The following TTLL13 variants were observed in gnomAD, a reference collection of about 807,000 sequenced individuals.
The protein encoded by TTLL13 is tubulin polyglutamylase TTLL13.
At chr15:90,259,092 G>C in the TTLL13 span, 1 of 1,427,538 alleles carries the variant, frequency 7.0e-7, no homozygotes, top group Admixed American at 2.3e-5. Flanking sequence ...ACCAGGCTTG[G>C]TGGCTCATAT....
At chr15:90,255,946 G>C in the TTLL13 span, 1 of 1,610,790 alleles carries the variant, frequency 6.2e-7, no homozygotes, top group Non-Finnish European at 8.5e-7. Flanking sequence ...CGCTCTCAGA[G>C]CTCTGGTCTT....
chr15:90,264,038 C>A, the TTLL13 span: 1 of 1,535,110 alleles, frequency 6.5e-7, no homozygotes, highest in Non-Finnish European at 8.7e-7. Flanking sequence ...TTTTCCAGTG[C>A]CAGAATCAGG....
At chr15:90,251,279 A>C in the TTLL13 span, among the ~76,000 whole-genome samples, 1 of 65,340 alleles carries the variant, frequency 1.5e-5, no homozygotes, top group Non-Finnish European at 2.9e-5. Context: ...ACGCATGGCA[A>C]ATTTTTTTTT....
the TTLL13 span, chr15:90,259,151 C>A: frequency 9.9e-7 from 1 of 1,007,742 alleles, no homozygotes; most frequent in Non-Finnish European, 1.3e-6. Flanking sequence ...TTGCTTGAGC[C>A]CTAGAGTTCA....
the TTLL13 span, chr15:90,258,862 G>A: frequency 1.9e-6 from 3 of 1,614,178 alleles, no homozygotes; most frequent in Non-Finnish European, 1.7e-6. Context: ...GGAAGGTGAT[G>A]GAGGAGGATA....
chr15:90,258,397 G>A, the TTLL13 span: 3 of 816,532 alleles, frequency 3.7e-6, no homozygotes, highest in Non-Finnish European at 6.0e-6. Flanking sequence ...GGGGTGGGCA[G>A]GAATGAGCAG....
chr15:90,263,666 C>T, the TTLL13 span: 1 of 604,272 alleles, frequency 1.7e-6, no homozygotes, highest in Non-Finnish European at 3.0e-6. Flanking sequence ...AGATTTTTTT[C>T]AGTTACCTCC....
the TTLL13 span, chr15:90,251,620 C>T: frequency 6.2e-7 from 1 of 1,611,362 alleles, no homozygotes; most frequent in Non-Finnish European, 8.5e-7. Flanking sequence ...GTCGCTCACA[C>T]TGTGGTGCAT....
At chr15:90,263,817 G>C in the TTLL13 span, 1 of 718,274 alleles carries the variant, frequency 1.4e-6, no homozygotes, top group Non-Finnish European at 2.5e-6. Flanking sequence ...TCCTAAGAGG[G>C]GCTGCCACAG....
chr15:90,264,899 C>T, the TTLL13 span: 1 of 1,536,126 alleles, frequency 6.5e-7, no homozygotes, highest in Non-Finnish European at 8.7e-7. Flanking sequence ...CAAGGTTCCC[C>T]TCTGCCCTGC....
At chr15:90,264,165 A>G in the TTLL13 span, 1 of 688,418 alleles carries the variant, frequency 1.5e-6, no homozygotes, top group African/African-American at 1.8e-5. Context: ...CACCAGTGTA[A>G]GAATGGGGAA....
the TTLL13 span, chr15:90,262,775 AGAG>A: frequency 8.0e-6 from 10 of 1,247,758 alleles, no homozygotes; most frequent in Non-Finnish European, 9.7e-6. Flanking sequence ...CACAAGAGAG[AGAG>A]GAGTTCCTAA....
At chr15:90,256,602 T>C in the TTLL13 span, among the ~76,000 whole-genome samples, 105 of 29,120 alleles carry the variant, frequency 3.6e-3, 4 homozygotes, top group South Asian at 0.019. Context: ...TCTTTCTTTC[T>C]TTCTTTCCTT....
the TTLL13 span, among the ~76,000 whole-genome samples, chr15:90,252,180 C>T: frequency 6.6e-6 from 1 of 152,038 alleles, no homozygotes; most frequent in African/African-American, 2.4e-5. Flanking sequence ...GCTGGGATTA[C>T]AGGCATGTGC....
the TTLL13 span, chr15:90,259,080 G>T: frequency 6.9e-7 from 1 of 1,450,672 alleles, no homozygotes. Context: ...AAAAATCACA[G>T]GACCAGGCTT....
the TTLL13 span, chr15:90,259,063 G>A: frequency 1.1e-5 from 16 of 1,489,902 alleles, no homozygotes; most frequent in African/African-American, 2.8e-5. Flanking sequence ...GTTCATATTT[G>A]CATTAAAAAA....
the TTLL13 span, chr15:90,250,883 C>T: frequency 1.9e-6 from 3 of 1,613,458 alleles, no homozygotes; most frequent in East Asian, 4.5e-5. Context: ...AAGGCGGAAA[C>T]GCAGGTAACT....
the TTLL13 span, chr15:90,261,901 G>A: frequency 6.2e-4 from 600 of 966,000 alleles, 2 homozygotes; most frequent in Non-Finnish European, 8.5e-4. Context: ...GGGCCCAGGA[G>A]GTCAAGAAGC....
the TTLL13 span, chr15:90,258,692 C>T: frequency 4.6e-6 from 7 of 1,509,292 alleles, no homozygotes; most frequent in South Asian, 6.8e-5. Flanking sequence ...AAGAGGCCAC[C>T]ACCTGCTCAG....
Sources: gnomAD v4.1 joint callset for allele counts (sites outside exome capture counted in the v4.1 genomes callset) on GRCh38, gnomAD v4.1.1 for gene constraint, MANE v1.5 for transcripts, NCBI Gene and HGNC (gene_info 2026-07-23, HGNC 2026-07-21) for gene names.